NR2F1-AS1: variants seen among roughly 807,000 people sequenced by gnomAD.
NR2F1-AS1 encodes the protein NR2F1 antisense RNA 1.
intron 4 of NR2F1-AS1, among the ~76,000 whole-genome samples, chr5:93,540,115 T>C (rs1449280481): frequency 6.6e-6 from 1 of 152,200 alleles, no homozygotes; most frequent in East Asian, 1.9e-4. Flanking sequence ...TTATTCTCAA[T>C]GTTTTAAAAT....
At chr5:93,470,055 T>C (rs564175088) in intron 4 of NR2F1-AS1, among the ~76,000 whole-genome samples, 1 of 151,986 alleles carries the variant, frequency 6.6e-6, no homozygotes, top group Non-Finnish European at 1.5e-5. Flanking sequence ...ATTCTGAAAA[T>C]AACTCATAGC....
intron 4 of NR2F1-AS1, among the ~76,000 whole-genome samples, chr5:93,545,882 A>T (rs1169807009): frequency 2.0e-5 from 3 of 152,256 alleles, no homozygotes; most frequent in Non-Finnish European, 4.4e-5. Flanking sequence ...AAGAGATCAT[A>T]GGAAATTTCA....
At chr5:93,420,388 A>G (rs1046195845) in intron 4 of NR2F1-AS1, among the ~76,000 whole-genome samples, 2 of 152,148 alleles carry the variant, frequency 1.3e-5, no homozygotes, top group African/African-American at 4.8e-5. Flanking sequence ...TCCCCTATAG[A>G]GTACAGTGAG....
At chr5:93,444,420 C>T (rs1010664435) in intron 4 of NR2F1-AS1, among the ~76,000 whole-genome samples, 2 of 152,130 alleles carry the variant, frequency 1.3e-5, no homozygotes, top group Non-Finnish European at 2.9e-5. Context: ...ATCAAACAGA[C>T]TTTAAACCAA....
intron 4 of NR2F1-AS1, among the ~76,000 whole-genome samples, chr5:93,548,687 A>T: frequency 6.6e-6 from 1 of 151,600 alleles, no homozygotes; most frequent in Non-Finnish European, 1.5e-5. Context: ...ACATGGTGAG[A>T]CCCTGTCTCT....
At chr5:93,468,839 G>C (rs897904923) in intron 4 of NR2F1-AS1, among the ~76,000 whole-genome samples, 2 of 152,016 alleles carry the variant, frequency 1.3e-5, no homozygotes, top group Non-Finnish European at 2.9e-5. Context: ...TGTAAGGAAG[G>C]GATCCAGTTT....
At chr5:93,447,508 C>T (rs1749739401) in intron 4 of NR2F1-AS1, among the ~76,000 whole-genome samples, 1 of 152,114 alleles carries the variant, frequency 6.6e-6, no homozygotes, top group African/African-American at 2.4e-5. Flanking sequence ...CAATGAGATA[C>T]CATCTCAAAC....
intron 4 of NR2F1-AS1, among the ~76,000 whole-genome samples, chr5:93,485,528 C>A (rs1750695043): frequency 6.6e-6 from 1 of 152,136 alleles, no homozygotes; most frequent in African/African-American, 2.4e-5. Flanking sequence ...AAATCGACAC[C>A]TTAACAACAC....
chr5:93,519,217 ACT>A (rs1224169315), intron 4 of NR2F1-AS1, among the ~76,000 whole-genome samples: 1 of 152,038 alleles, frequency 6.6e-6, no homozygotes, highest in Non-Finnish European at 1.5e-5. Flanking sequence ...CTAGAAACAC[ACT>A]CAGCCTAGCA....
At chr5:93,456,766 ATTAG>A (rs1475202184) in intron 4 of NR2F1-AS1, among the ~76,000 whole-genome samples, 3 of 151,990 alleles carry the variant, frequency 2.0e-5, no homozygotes, top group Non-Finnish European at 2.9e-5. Context: ...GTATTTATTC[ATTAG>A]TATCTCTACC....
intron 4 of NR2F1-AS1, among the ~76,000 whole-genome samples, chr5:93,438,408 G>A (rs1749489277): frequency 6.6e-6 from 1 of 152,094 alleles, no homozygotes; most frequent in African/African-American, 2.4e-5. Flanking sequence ...CATCAATCTT[G>A]ACTCCTGCCT....
intron 4 of NR2F1-AS1, among the ~76,000 whole-genome samples, chr5:93,534,833 C>T (rs1196847167): frequency 6.6e-6 from 1 of 152,080 alleles, no homozygotes; most frequent in African/African-American, 2.4e-5. Flanking sequence ...AGAGGTTCAC[C>T]ACCACCTACA....
At chr5:93,572,257 T>C (rs543425531) in intron 1 of NR2F1-AS1, among the ~76,000 whole-genome samples, 13 of 152,104 alleles carry the variant, frequency 8.5e-5, no homozygotes, top group Admixed American at 7.2e-4. Flanking sequence ...GGGCCTGAGG[T>C]TGTCCAAGCA....
upstream of NR2F1-AS1, among the ~76,000 whole-genome samples, chr5:93,581,681 T>C (rs1024516366): frequency 0.02 from 860 of 42,664 alleles, 5 homozygotes; most frequent in South Asian, 0.021. Flanking sequence ...TCTCTCTCTC[T>C]CTCTCTCTCT....
intron 4 of NR2F1-AS1, among the ~76,000 whole-genome samples, chr5:93,494,955 G>A (rs1308104124): frequency 6.6e-6 from 1 of 152,094 alleles, no homozygotes; most frequent in Non-Finnish European, 1.5e-5. Flanking sequence ...GTCACATATT[G>A]TATGGTTCCA....
At position 93,498,944 on chromosome 5, in the gene NR2F1-AS1, G is replaced by C. The variant is rs569310877; in HGVS notation, n.638+54817C>G. Among the ~76,000 whole-genome samples the C allele has an allele frequency of 2.0e-4, 31 of 152,094 alleles. 1 individual carries two copies. The South Asian group carries it at 6.5e-3, about 32-fold the overall frequency. The stretch of plus-strand genomic sequence containing the variant: ...ATTACCCTTATGAAAGAAGCACTAA[G>C]ATCAGTTGACCTAGGTTCCTCTACA... On this transcript the variant is annotated intron_variant and non_coding_transcript_variant, in intron 4 of 5. Coordinates refer to ENST00000660523, the Ensembl canonical transcript of NR2F1-AS1.
At chr5:93,513,584 A>C (rs553269711) in intron 4 of NR2F1-AS1, among the ~76,000 whole-genome samples, 3 of 152,186 alleles carry the variant, frequency 2.0e-5, no homozygotes, top group East Asian at 1.9e-4. Context: ...ATTCTCACTT[A>C]TAAGTGGGAG....
chr5:93,421,186 G>T (rs1300114055), intron 4 of NR2F1-AS1, among the ~76,000 whole-genome samples: 4 of 152,090 alleles, frequency 2.6e-5, no homozygotes, highest in Non-Finnish European at 5.9e-5. Context: ...ACAGACCAAG[G>T]ATTGGTGGGA....
intron 4 of NR2F1-AS1, among the ~76,000 whole-genome samples, chr5:93,428,320 A>G (rs540040012): frequency 6.6e-6 from 1 of 152,224 alleles, no homozygotes. Context: ...ACTTTATTTC[A>G]TTAGACACCA....
Sources: gnomAD v4.1 joint callset for allele counts (sites outside exome capture counted in the v4.1 genomes callset) on GRCh38, gnomAD v4.1.1 for gene constraint, MANE v1.5 for transcripts, NCBI Gene and HGNC (gene_info 2026-07-23, HGNC 2026-07-21) for gene names.